The following PABPC4L variants were observed in gnomAD, a reference collection of about 807,000 sequenced individuals.
The protein encoded by PABPC4L is polyadenylate-binding protein 4-like.
For synonymous variants in PABPC4L, 169 were observed against 164.1 expected (o/e 1.03, Z -0.23); for missense variants, 452 against 451.4 (o/e 1.00, Z -0.01).
chr4:134,167,510 AG>A, the PABPC4L span, among the ~76,000 whole-genome samples: 1 of 151,950 alleles, frequency 6.6e-6, no homozygotes, highest in Non-Finnish European at 1.5e-5. Flanking sequence ...AAAGAAAAAC[AG>A]GACTCAAGTA....
At chr4:134,089,896 C>T in the PABPC4L span, among the ~76,000 whole-genome samples, 14 of 151,996 alleles carry the variant, frequency 9.2e-5, no homozygotes, top group Admixed American at 3.3e-4. Context: ...GCATCCACTA[C>T]GGATCTTGGA....
chr4:134,174,071 T>G, the PABPC4L span, among the ~76,000 whole-genome samples: 1 of 152,030 alleles, frequency 6.6e-6, no homozygotes, highest in East Asian at 1.9e-4. Context: ...AAACATTTTA[T>G]TTTTCTTTTA....
chr4:134,158,398 A>T, the PABPC4L span, among the ~76,000 whole-genome samples: 1 of 152,054 alleles, frequency 6.6e-6, no homozygotes, highest in Non-Finnish European at 1.5e-5. Flanking sequence ...TATTCTACAG[A>T]TAATTTTCTA....
At chr4:134,025,850 T>A in the PABPC4L span, among the ~76,000 whole-genome samples, 1 of 152,100 alleles carries the variant, frequency 6.6e-6, no homozygotes, top group East Asian at 1.9e-4. Flanking sequence ...TTTTAGTAAT[T>A]TATTTTTCAT....
the PABPC4L span, among the ~76,000 whole-genome samples, chr4:134,085,622 C>A: frequency 1.3e-5 from 2 of 152,126 alleles, no homozygotes; most frequent in African/African-American, 4.8e-5. Context: ...ACTTCTAACA[C>A]CATATGTTGT....
At chr4:134,151,076 G>A in the PABPC4L span, among the ~76,000 whole-genome samples, 2 of 152,096 alleles carry the variant, frequency 1.3e-5, no homozygotes, top group African/African-American at 4.8e-5. Context: ...AAAGTGTAAA[G>A]TAGCCAGAAG....
the PABPC4L span, among the ~76,000 whole-genome samples, chr4:134,073,767 T>C: frequency 6.6e-6 from 1 of 152,186 alleles, no homozygotes; most frequent in African/African-American, 2.4e-5. Context: ...GTGAGCCCTC[T>C]AACACAACAC....
At chr4:134,053,408 A>G in the PABPC4L span, among the ~76,000 whole-genome samples, 5 of 152,118 alleles carry the variant, frequency 3.3e-5, no homozygotes. Context: ...GCTTAAGTGG[A>G]TGCAATGACT....
the PABPC4L span, among the ~76,000 whole-genome samples, chr4:134,165,992 T>G: frequency 1.3e-5 from 2 of 151,856 alleles, no homozygotes; most frequent in African/African-American, 4.8e-5. Flanking sequence ...TGGATGGAGG[T>G]GAAGGTCATT....
At chr4:134,023,577 T>A in the PABPC4L span, among the ~76,000 whole-genome samples, 1 of 152,096 alleles carries the variant, frequency 6.6e-6, no homozygotes, top group African/African-American at 2.4e-5. Flanking sequence ...ACTTTTTAAA[T>A]GTATTCCCAA....
At chr4:134,186,226 C>T in the PABPC4L span, among the ~76,000 whole-genome samples, 2 of 152,058 alleles carry the variant, frequency 1.3e-5, no homozygotes, top group Non-Finnish European at 2.9e-5. Context: ...CCCATATTTC[C>T]AAGACAATCC....
the PABPC4L span, among the ~76,000 whole-genome samples, chr4:134,089,365 T>C: frequency 6.6e-6 from 1 of 152,230 alleles, no homozygotes; most frequent in Non-Finnish European, 1.5e-5. Context: ...CAGAGTGCTA[T>C]ATGCGTTGCA....
chr4:133,972,574 A>G, the PABPC4L span, among the ~76,000 whole-genome samples: 86 of 152,290 alleles, frequency 5.6e-4, no homozygotes, highest in South Asian at 0.013. Context: ...TGATGCAGAC[A>G]TAATAAGATG....
At chr4:134,099,770 G>T in the PABPC4L span, among the ~76,000 whole-genome samples, 1 of 151,498 alleles carries the variant, frequency 6.6e-6, no homozygotes, top group South Asian at 2.1e-4. Context: ...TTGATCTCAG[G>T]GAGGGGAAAA....
At chr4:134,064,931 G>C in the PABPC4L span, among the ~76,000 whole-genome samples, 1 of 151,326 alleles carries the variant, frequency 6.6e-6, no homozygotes, top group Non-Finnish European at 1.5e-5. Context: ...ATATGATTTT[G>C]TTTTTTTTGG....
At chr4:134,019,279 G>C in the PABPC4L span, among the ~76,000 whole-genome samples, 1 of 152,008 alleles carries the variant, frequency 6.6e-6, no homozygotes, top group South Asian at 2.1e-4. Context: ...TTTACATTTT[G>C]GTAAGCAGTA....
the PABPC4L span, among the ~76,000 whole-genome samples, chr4:134,180,583 A>C: frequency 6.6e-6 from 1 of 151,800 alleles, no homozygotes; most frequent in African/African-American, 2.4e-5. Flanking sequence ...GAGATCAGTG[A>C]ATCTAGGAGC....
At chr4:134,116,134 T>C in the PABPC4L span, among the ~76,000 whole-genome samples, 3 of 151,772 alleles carry the variant, frequency 2.0e-5, no homozygotes, top group East Asian at 5.8e-4. Flanking sequence ...AGAAGCTGCA[T>C]CAGGGACTGC....
chr4:134,030,490 T>C, the PABPC4L span, among the ~76,000 whole-genome samples: 2 of 152,054 alleles, frequency 1.3e-5, no homozygotes, highest in African/African-American at 4.8e-5. Context: ...AAATCACATA[T>C]CAATCCACCT....
Sources: gnomAD v4.1 joint callset for allele counts (sites outside exome capture counted in the v4.1 genomes callset) on GRCh38, gnomAD v4.1.1 for gene constraint, MANE v1.5 for transcripts, NCBI Gene and HGNC (gene_info 2026-07-23, HGNC 2026-07-21) for gene names.